CCNY: variants seen among roughly 807,000 people sequenced by gnomAD.
CCNY encodes the protein cyclin-Y.
CCNY carries 19 observed loss-of-function variants against 42.8 expected under a neutral mutation model. The observed-to-expected ratio is 0.44, with a 90% confidence interval of 0.31 to 0.65. The LOEUF (loss-of-function observed/expected upper bound fraction) is 0.65, where lower values mean the gene tolerates loss of function less well. Among genes scored for constraint, CCNY ranks in the 30% least tolerant of loss-of-function variants. The probability of loss-of-function intolerance (pLI) is 0.07; values close to 1 mark genes in which losing one functional copy is unlikely to be tolerated. For synonymous variants in CCNY, 165 were observed against 162.7 expected, an observed-to-expected ratio of 1.01 and a Z score of -0.11; for missense variants, 370 against 437.3, an observed-to-expected ratio of 0.85 and a Z score of 1.37.
rs1423405636 is a variant in CCNY at position 35,568,977 on chromosome 10, C to T, written c.910-77C>T. On this transcript the variant is annotated intron_variant, in intron 9 of 9. Coordinates refer to ENST00000374704, the MANE Select transcript of CCNY (RefSeq NM_145012.6). Reference sequence around the variant, plus strand: ...GCTCTGCCTGTCCCTCATGCAGCGCCCTCGGCGCCCAGGACGAGTGAGCAA... The same window carrying T: ...GCTCTGCCTGTCCCTCATGCAGCGCTCTCGGCGCCCAGGACGAGTGAGCAA... 4 of 941,104 alleles carry T rather than the reference C, an allele frequency of 4.3e-6. No individual in the cohort carries two copies. In the African/African-American group the frequency reaches 6.4e-5, roughly 15 times the overall value. 58.3% of individuals were successfully genotyped at this position (941,104 alleles called of 1,614,324 possible).
At chr10:35,271,457 G>C (rs1835168177) in intron 3 of CCNY, among the ~76,000 whole-genome samples, 2 of 152,162 alleles carry the variant, frequency 1.3e-5, no homozygotes. Context: ...AAAATCCCCT[G>C]TGCTTCTGGC....
At chr10:35,337,550 T>C in intron 1 of CCNY, among the ~76,000 whole-genome samples, 1 of 152,086 alleles carries the variant, frequency 6.6e-6, no homozygotes, top group Non-Finnish European at 1.5e-5. Context: ...GAGCTCGGGG[T>C]TCCCGGCACT....
At chr10:35,432,237 TTC>T (rs1255064441) in intron 1 of CCNY, among the ~76,000 whole-genome samples, 1 of 152,196 alleles carries the variant, frequency 6.6e-6, no homozygotes, top group Admixed American at 6.5e-5. Context: ...GTGTTTTAAT[TTC>T]TCTCCACTTC....
At chr10:35,371,072 C>T (rs530754817) in intron 1 of CCNY, among the ~76,000 whole-genome samples, 1 of 152,308 alleles carries the variant, frequency 6.6e-6, no homozygotes, top group African/African-American at 2.4e-5. Flanking sequence ...ATTTTACTTG[C>T]TGTTCTTTGA....
At chr10:35,514,221 C>T (rs1235630695) in intron 3 of CCNY, among the ~76,000 whole-genome samples, 3 of 152,146 alleles carry the variant, frequency 2.0e-5, no homozygotes, top group Admixed American at 2.0e-4. Flanking sequence ...TCCTGACAGT[C>T]AATAAATGAC....
intron 1 of CCNY, among the ~76,000 whole-genome samples, chr10:35,454,323 A>G (rs1332809850): frequency 6.6e-6 from 1 of 152,232 alleles, no homozygotes; most frequent in African/African-American, 2.4e-5. Flanking sequence ...AGGCATCCAG[A>G]AGAGAGGCAC....
At chr10:35,456,311 A>G (rs1299960869) in intron 1 of CCNY, among the ~76,000 whole-genome samples, 2 of 152,216 alleles carry the variant, frequency 1.3e-5, no homozygotes, top group Non-Finnish European at 2.9e-5. Context: ...GAGCACTCAC[A>G]TGGAACAAAA....
chr10:35,418,459 A>G (rs1359811487), intron 1 of CCNY, among the ~76,000 whole-genome samples: 1 of 152,202 alleles, frequency 6.6e-6, no homozygotes, highest in Non-Finnish European at 1.5e-5. Flanking sequence ...TTGGGCAATC[A>G]GTTTTCATCT....
chr10:35,477,422 CA>C (rs1463692565), intron 1 of CCNY, among the ~76,000 whole-genome samples: 7 of 150,078 alleles, frequency 4.7e-5, no homozygotes, highest in Non-Finnish European at 1.0e-4. Flanking sequence ...AGCAGCACAT[CA>C]AAAAGCTTAT....
intron 8 of CCNY, among the ~76,000 whole-genome samples, chr10:35,563,037 T>C (rs528058403): frequency 1.3e-5 from 2 of 152,080 alleles, no homozygotes; most frequent in Admixed American, 1.3e-4. Flanking sequence ...TGTTTCTTCA[T>C]AGTTATCTAA....
intron 1 of CCNY, among the ~76,000 whole-genome samples, chr10:35,455,077 C>T (rs1477812105): frequency 6.6e-6 from 1 of 152,198 alleles, no homozygotes; most frequent in Non-Finnish European, 1.5e-5. Context: ...CTCCCCTCAC[C>T]AGGTGAAACC....
intron 1 of CCNY, among the ~76,000 whole-genome samples, chr10:35,404,155 G>A (rs1837705607): frequency 6.6e-6 from 1 of 152,246 alleles, no homozygotes; most frequent in Non-Finnish European, 1.5e-5. Flanking sequence ...ACTGTAGAGA[G>A]TGAGATGAGC....
intron 1 of CCNY, among the ~76,000 whole-genome samples, chr10:35,362,759 C>T (rs1400390502): frequency 1.3e-5 from 2 of 149,892 alleles, no homozygotes; most frequent in South Asian, 4.3e-4. Flanking sequence ...CAGGCAGAGG[C>T]GCTCATCACA....
chr10:35,385,318 C>T (rs1837279846), intron 1 of CCNY, among the ~76,000 whole-genome samples: 1 of 152,174 alleles, frequency 6.6e-6, no homozygotes, highest in African/African-American at 2.4e-5. Flanking sequence ...AGTGGTCTCC[C>T]TCCCTCCCTC....
chr10:35,287,919 G>A (rs547321319), intron 3 of CCNY, among the ~76,000 whole-genome samples: 1 of 151,856 alleles, frequency 6.6e-6, no homozygotes, highest in East Asian at 1.9e-4. Flanking sequence ...GCCTCCCAAA[G>A]TGGAAAAAAA....
chr10:35,562,232 G>A (rs1252201177), intron 8 of CCNY, among the ~76,000 whole-genome samples: 1 of 152,238 alleles, frequency 6.6e-6, no homozygotes, highest in African/African-American at 2.4e-5. Context: ...GCATGGCACA[G>A]AAGGTCACAG....
intron 3 of CCNY, among the ~76,000 whole-genome samples, chr10:35,308,085 G>A (rs1030759124): frequency 9.3e-5 from 14 of 151,260 alleles, no homozygotes; most frequent in African/African-American, 3.4e-4. Context: ...CCAAAGTGCT[G>A]GGATTACAGG....
chr10:35,342,859 A>G (rs1455614079), intron 1 of CCNY, among the ~76,000 whole-genome samples: 6 of 152,062 alleles, frequency 3.9e-5, no homozygotes, highest in Admixed American at 3.9e-4. Context: ...TGTGACAGCT[A>G]ATTAGAGAAT....
intron 3 of CCNY, among the ~76,000 whole-genome samples, chr10:35,260,972 A>G (rs1013227440): frequency 6.6e-6 from 1 of 152,186 alleles, no homozygotes; most frequent in Non-Finnish European, 1.5e-5. Context: ...TGAGCTGGGC[A>G]TGGTGGTGCA....
Sources: gnomAD v4.1 joint callset for allele counts (sites outside exome capture counted in the v4.1 genomes callset) on GRCh38, gnomAD v4.1.1 for gene constraint, MANE v1.5 for transcripts, NCBI Gene and HGNC (gene_info 2026-07-23, HGNC 2026-07-21) for gene names.